Variants in CDC42BPA observed in about 807,000 individuals in gnomAD.
The protein encoded by CDC42BPA is CDC42 binding protein kinase alpha, also known as serine/threonine-protein kinase MRCK alpha.
In CDC42BPA, 80 loss-of-function variants were observed where a neutral mutation model predicts 223.5. That is an observed-to-expected ratio of 0.36 (90% CI 0.30 to 0.43). The LOEUF is 0.43. CDC42BPA is among the 20% of genes least tolerant of loss of function. The pLI, the probability that CDC42BPA is intolerant of heterozygous loss-of-function variation, is 1.00. For synonymous variants in CDC42BPA, 694 were observed against 718.6 expected, an observed-to-expected ratio of 0.97 and a Z score of 0.55; for missense variants, 1,743 against 2,099.9, an observed-to-expected ratio of 0.83 and a Z score of 3.32.
At chr1:227,082,642 T>G (rs76341156) in intron 16 of CDC42BPA, among the ~76,000 whole-genome samples, 42,290 of 144,110 alleles carry the variant, frequency 0.29, 6,172 homozygotes, top group African/African-American at 0.36. Context: ...TTGAACCCGG[T>G]AGGTGGAGTT....
intron 5 of CDC42BPA, among the ~76,000 whole-genome samples, chr1:227,168,569 C>G (rs780581016): frequency 3.7e-5 from 5 of 135,578 alleles, no homozygotes; most frequent in Admixed American, 3.3e-4. Flanking sequence ...GATCTCCGCT[C>G]GCTGCAAGCT....
chr1:227,072,117 C>T, intron 20 of CDC42BPA, 91 bp downstream of exon 20: 1 of 706,360 alleles, frequency 1.4e-6, no homozygotes. Flanking sequence ...CAACAATTCT[C>T]CCACCTATGC....
chr1:227,096,023 T>C (rs1683931427), intron 15 of CDC42BPA, among the ~76,000 whole-genome samples: 1 of 152,220 alleles, frequency 6.6e-6, no homozygotes, highest in East Asian at 1.9e-4. Context: ...TTTTATATGA[T>C]TGCTTTCTGG....
Position 227,079,862 on chromosome 1 carries a change from T to G in CDC42BPA, c.2480+1031A>C, listed in dbSNP as rs188200236. ...ACCAAAAGTATTTTGGATTTCAGGT[T>G]TTTTTTTTAAATTTTGGAATACCTG... On this transcript the variant is annotated intron_variant, in intron 17 of 36. Coordinates refer to ENST00000366766, the MANE Select transcript of CDC42BPA (RefSeq NM_001394014.1). Among the ~76,000 whole-genome samples the G allele has an allele frequency of 2.8e-3, 417 of 151,156 alleles. 3 individuals are homozygous for G. The highest frequency in any genetic ancestry group is 4.1e-3 in the Non-Finnish European group (274 of 67,654).
chr1:227,033,222 A>G (rs1669634742), intron 27 of CDC42BPA, 112 bp downstream of exon 27: 1 of 647,208 alleles, frequency 1.5e-6, no homozygotes, highest in South Asian at 2.1e-5. Context: ...AATATATAAA[A>G]GAATATAAGA....
At chr1:227,268,781 G>A (rs1685500134) in intron 1 of CDC42BPA, among the ~76,000 whole-genome samples, 1 of 151,446 alleles carries the variant, frequency 6.6e-6, no homozygotes, top group African/African-American at 2.4e-5. Flanking sequence ...AACCTCCTGG[G>A]CTGAAACAAT....
Position 227,074,293 on chromosome 1 carries a change from G to A in CDC42BPA, c.2552C>T (p.Ala851Val). 6.2e-7 allele frequency: 1 copy of A among 1,613,548 alleles called. No individual in the cohort carries two copies. Among genetic ancestry groups the A allele is most frequent in the Non-Finnish European group, 8.5e-7 (1 of 1,179,652 alleles). The change falls in exon 18 of 37, where the codon GCA becomes GTA. Residue 851 changes from alanine to valine, a missense_variant. Physicochemically the swap from Ala to Val is moderately conservative, Grantham distance 64. Around this residue, in one of 6 missense-constraint regions of CDC42BPA, gnomAD observed 36 missense variants for 71.9 expected, o/e 0.50. Coordinates refer to ENST00000366766, the MANE Select transcript of CDC42BPA (RefSeq NM_001394014.1). ...LASKMTEELEALRNSSLGTRA... is the reference protein window; with the variant it reads ...LASKMTEELEVLRNSSLGTRA... ...TGTACCCAAGCTGGAATTTCTTAATGCCTCCAATTCTTCAGTCATTTTAGA... is the reference window on the plus strand; with the variant it reads ...TGTACCCAAGCTGGAATTTCTTAATACCTCCAATTCTTCAGTCATTTTAGA...
intron 15 of CDC42BPA, among the ~76,000 whole-genome samples, chr1:227,094,369 A>C (rs1683607883): frequency 6.6e-6 from 1 of 152,168 alleles, no homozygotes; most frequent in South Asian, 2.1e-4. Flanking sequence ...TACACTGGAG[A>C]CCATGACTCA....
chr1:227,238,984 T>A (rs1218577004), intron 2 of CDC42BPA, among the ~76,000 whole-genome samples: 1 of 152,230 alleles, frequency 6.6e-6, no homozygotes, highest in Non-Finnish European at 1.5e-5. Context: ...TAGAGCTAAC[T>A]GATGTATAAA....
At chr1:226,998,033 C>G (rs1016059890) in intron 35 of CDC42BPA, among the ~76,000 whole-genome samples, 2 of 152,140 alleles carry the variant, frequency 1.3e-5, no homozygotes, top group African/African-American at 4.8e-5. Flanking sequence ...CATGAGTGAA[C>G]TCCCATTACA....
At chr1:227,008,622 T>C (rs1411567166) in intron 34 of CDC42BPA, among the ~76,000 whole-genome samples, 1 of 152,120 alleles carries the variant, frequency 6.6e-6, no homozygotes, top group Non-Finnish European at 1.5e-5. Flanking sequence ...GCACCTGAAA[T>C]GCCTGAGAAA....
At chr1:227,021,350 T>C (rs1667342548) in intron 32 of CDC42BPA, among the ~76,000 whole-genome samples, 1 of 152,128 alleles carries the variant, frequency 6.6e-6, no homozygotes, top group Non-Finnish European at 1.5e-5. Context: ...TAAAACTAAG[T>C]ATGGGTCTTG....
intron 11 of CDC42BPA, among the ~76,000 whole-genome samples, chr1:227,122,653 T>G (rs923315022): frequency 3.3e-5 from 5 of 152,196 alleles, no homozygotes; most frequent in African/African-American, 1.2e-4. Context: ...ATGTGAATTA[T>G]GAGAAGTAAA....
intron 27 of CDC42BPA, among the ~76,000 whole-genome samples, chr1:227,033,078 T>G (rs541076664): frequency 6.6e-6 from 1 of 152,192 alleles, no homozygotes; most frequent in African/African-American, 2.4e-5. Flanking sequence ...TATTTAAAAA[T>G]TGAATTGGAA....
chr1:227,312,964 T>C (rs909782722), intron 1 of CDC42BPA, among the ~76,000 whole-genome samples: 4 of 152,178 alleles, frequency 2.6e-5, no homozygotes, highest in African/African-American at 4.8e-5. Context: ...TGCCTCCTTG[T>C]AGCCTGCGGA....
chr1:227,274,914 A>G (rs577841342), intron 1 of CDC42BPA, among the ~76,000 whole-genome samples: 96 of 152,332 alleles, frequency 6.3e-4, no homozygotes, highest in Middle Eastern at 3.4e-3. Flanking sequence ...GCCTCAATGT[A>G]TAAAATGGGC....
At chr1:227,193,132 G>A (rs1432517776) in intron 5 of CDC42BPA, among the ~76,000 whole-genome samples, 1 of 149,310 alleles carries the variant, frequency 6.7e-6, no homozygotes, top group African/African-American at 2.5e-5. Flanking sequence ...GCAGTGGCGG[G>A]ATCTCGGCTC....
intron 3 of CDC42BPA, among the ~76,000 whole-genome samples, chr1:227,202,503 G>A (rs1426879203): frequency 1.3e-5 from 2 of 151,878 alleles, no homozygotes; most frequent in Non-Finnish European, 2.9e-5. Context: ...ATAAACATTC[G>A]TTATTTAATT....
chr1:227,007,231 T>C (rs16846808), intron 34 of CDC42BPA, among the ~76,000 whole-genome samples: 1 of 152,362 alleles, frequency 6.6e-6, no homozygotes, highest in East Asian at 1.9e-4. Flanking sequence ...CATAGAATGC[T>C]ATAGGCTACC....
Sources: allele counts gnomAD v4.1 joint callset (sites outside exome capture counted in the v4.1 genomes callset), GRCh38; gene constraint gnomAD v4.1.1; regional missense constraint gnomAD v4.1.1; transcripts MANE v1.5; gene names NCBI Gene and HGNC (gene_info 2026-07-23, HGNC 2026-07-21).